CNTNAP4: variants seen among roughly 807,000 people sequenced by gnomAD.
CNTNAP4 encodes the protein contactin associated protein family member 4.
CNTNAP4 carries 98 observed loss-of-function variants against 148.4 expected under a neutral mutation model. The ratio of observed to expected loss-of-function variants is 0.66; its 90% CI spans 0.56 to 0.78. The LOEUF is 0.78. CNTNAP4 is among the 30% of genes least tolerant of loss of function. CNTNAP4 has a pLI of 0.00. For synonymous variants in CNTNAP4, 730 were observed against 565.1 expected, an observed-to-expected ratio of 1.29 and a Z score of -4.14; for missense variants, 1,935 against 1,565.6, an observed-to-expected ratio of 1.24 and a Z score of -3.98.
chr16:76,288,668 A>G (rs766763761), intron 1 of CNTNAP4, among the ~76,000 whole-genome samples: 1 of 152,248 alleles, frequency 6.6e-6, no homozygotes, highest in Non-Finnish European at 1.5e-5. Flanking sequence ...GAAATTTTTG[A>G]AAGACAGAAG....
chr16:76,411,660 T>C (rs1026884127), intron 3 of CNTNAP4, among the ~76,000 whole-genome samples: 5 of 151,462 alleles, frequency 3.3e-5, no homozygotes, highest in African/African-American at 1.2e-4. Flanking sequence ...AGAATTTTAA[T>C]GAGGTATTCT....
chr16:76,485,227 C>G (rs1295364568), intron 12 of CNTNAP4, among the ~76,000 whole-genome samples: 5 of 152,192 alleles, frequency 3.3e-5, no homozygotes, highest in Admixed American at 6.5e-5. Context: ...AAGCATTTCT[C>G]CTGCCTCAGC....
At position 76,316,422 on chromosome 16, in the gene CNTNAP4, A is replaced by G. The variant is rs1961755212; in HGVS notation, c.95A>G (p.Asp32Gly). 6.2e-7 allele frequency: 1 copy of G among 1,613,108 alleles called. No individual in the cohort carries two copies. Among genetic ancestry groups the G allele is most frequent in the Non-Finnish European group, 8.5e-7 (1 of 1,179,170 alleles). Reference protein sequence around the residue: ...RVEAGNSYDCDDPLVSALPQA... With the variant: ...RVEAGNSYDCGDPLVSALPQA... ...TTGTTCCTCCTGGCAGATGACTGTG[A>G]TGATCCTCTTGTGTCTGCCTTGCCT... The change falls in exon 2 of 24, where the codon GAT becomes GGT. Residue 32 changes from aspartate to glycine, a missense_variant. Physicochemically the swap from Asp to Gly is moderately conservative, Grantham distance 94. Transcript: ENST00000611870.
intron 3 of CNTNAP4, among the ~76,000 whole-genome samples, chr16:76,366,306 C>G (rs1411254731): frequency 6.6e-6 from 1 of 152,070 alleles, no homozygotes; most frequent in East Asian, 1.9e-4. Flanking sequence ...CAAGTAAGCC[C>G]CAGTGTCTGT....
chr16:76,537,359 T>C (rs1328859345), intron 18 of CNTNAP4, among the ~76,000 whole-genome samples: 1 of 152,164 alleles, frequency 6.6e-6, no homozygotes, highest in Admixed American at 6.5e-5. Context: ...CCAGTCCTTT[T>C]TCAGTAATGG....
intron 3 of CNTNAP4, 44 bp from the exon 4 acceptor site, chr16:76,427,408 T>C (rs1378418191): frequency 6.5e-7 from 1 of 1,543,712 alleles, no homozygotes; most frequent in Non-Finnish European, 8.8e-7. Context: ...CTGAAATGGA[T>C]GTTCTCCAGA....
chr16:76,352,163 A>T (rs941957956), intron 2 of CNTNAP4, among the ~76,000 whole-genome samples: 2 of 152,168 alleles, frequency 1.3e-5, no homozygotes, highest in African/African-American at 4.8e-5. Context: ...TGACAAAAAT[A>T]CAGAGAGATA....
intron 2 of CNTNAP4, among the ~76,000 whole-genome samples, chr16:76,335,279 T>C (rs1963921536): frequency 6.6e-6 from 1 of 152,156 alleles, no homozygotes; most frequent in Non-Finnish European, 1.5e-5. Context: ...GCTATTTCTA[T>C]GTGTGAGATG....
At chr16:76,366,231 G>C (rs1414679137) in intron 3 of CNTNAP4, among the ~76,000 whole-genome samples, 1 of 152,122 alleles carries the variant, frequency 6.6e-6, no homozygotes, top group Non-Finnish European at 1.5e-5. Context: ...TTGTCAGCCA[G>C]GTACTAAGCC....
At chr16:76,315,243 C>CACAAATGAATGTAGGGTACAT (rs1487349260) in intron 1 of CNTNAP4, among the ~76,000 whole-genome samples, 1 of 152,006 alleles carries the variant, frequency 6.6e-6, no homozygotes, top group Non-Finnish European at 1.5e-5. Context: ...CAAATGCAAG[C>CACAAATGAATGTAGGGTACAT]TCCTCTGAGT....
intron 1 of CNTNAP4, among the ~76,000 whole-genome samples, chr16:76,313,346 T>C (rs1961349093): frequency 6.6e-6 from 1 of 152,164 alleles, no homozygotes; most frequent in Admixed American, 6.5e-5. Context: ...TGAAAATGAT[T>C]TTAAAAATTC....
intron 2 of CNTNAP4, among the ~76,000 whole-genome samples, chr16:76,333,914 C>T (rs1161080106): frequency 1.3e-5 from 2 of 151,016 alleles, no homozygotes; most frequent in South Asian, 2.1e-4. Context: ...TCCTCTACAG[C>T]ACCTGTTGTT....
At chr16:76,415,778 G>A (rs896865142) in intron 3 of CNTNAP4, among the ~76,000 whole-genome samples, 4 of 150,940 alleles carry the variant, frequency 2.7e-5, no homozygotes, top group African/African-American at 9.7e-5. Context: ...TACTATTCTA[G>A]AATTTTATAT....
intron 4 of CNTNAP4, among the ~76,000 whole-genome samples, chr16:76,431,907 T>A (rs2079623117): frequency 6.6e-6 from 1 of 152,082 alleles, no homozygotes; most frequent in Non-Finnish European, 1.5e-5. Context: ...CAAGAGATAA[T>A]TAATCCTGTT....
intron 19 of CNTNAP4, among the ~76,000 whole-genome samples, chr16:76,539,007 A>G (rs1034539274): frequency 2.0e-5 from 3 of 152,084 alleles, no homozygotes; most frequent in African/African-American, 7.2e-5. Flanking sequence ...TGATTCAAAT[A>G]TATCCCAAGG....
intron 21 of CNTNAP4, among the ~76,000 whole-genome samples, chr16:76,551,391 C>A: frequency 9.6e-6 from 1 of 104,438 alleles, no homozygotes. Flanking sequence ...GAGTGAGAGT[C>A]TGTTAAAAAA....
intron 3 of CNTNAP4, among the ~76,000 whole-genome samples, chr16:76,380,328 T>C (rs2015840336): frequency 6.6e-6 from 1 of 152,164 alleles, no homozygotes; most frequent in Non-Finnish European, 1.5e-5. Flanking sequence ...GACCAGGATT[T>C]GTATGTGCTG....
At chr16:76,307,328 C>T (rs1371392146) in intron 1 of CNTNAP4, among the ~76,000 whole-genome samples, 1 of 151,694 alleles carries the variant, frequency 6.6e-6, no homozygotes, top group Non-Finnish European at 1.5e-5. Context: ...TACACAACTA[C>T]TACAATTTGT....
At chr16:76,384,972 C>G (rs2016367546) in intron 3 of CNTNAP4, among the ~76,000 whole-genome samples, 1 of 152,132 alleles carries the variant, frequency 6.6e-6, no homozygotes, top group Non-Finnish European at 1.5e-5. Context: ...AGTCAGCATT[C>G]AACCGGTTGC....
Sources: gnomAD v4.1 joint callset for allele counts (sites outside exome capture counted in the v4.1 genomes callset) on GRCh38, gnomAD v4.1.1 for gene constraint, MANE v1.5 for transcripts, NCBI Gene and HGNC (gene_info 2026-07-23, HGNC 2026-07-21) for gene names.